Variants in WDR44 observed in about 807,000 individuals in gnomAD.
The protein encoded by WDR44 is WD repeat domain 44.
In WDR44, 9 loss-of-function variants were observed where a neutral mutation model predicts 65.7. That is an observed-to-expected ratio of 0.14 (90% CI 0.08 to 0.24). The LOEUF (loss-of-function observed/expected upper bound fraction) is 0.24. Ranked by LOEUF, WDR44 falls within the 10% of genes least tolerant of loss-of-function variation. WDR44 has a pLI of 1.00. For missense variants in WDR44, 425 were observed against 670.9 expected (o/e 0.63, Z 4.05); for synonymous variants, 220 against 235.2 (o/e 0.94, Z 0.59).
intron 7 of WDR44, among the ~76,000 whole-genome samples, chrX:118,397,789 A>G (rs2056877974): frequency 8.9e-6 from 1 of 112,062 alleles, no homozygotes; most frequent in South Asian, 3.7e-4. Flanking sequence ...TTATTTCCCT[A>G]TAGCACATTT....
chrX:118,420,674 G>A (rs1323160178), intron 12 of WDR44, among the ~76,000 whole-genome samples: 9 of 111,966 alleles, frequency 8.0e-5, no homozygotes, highest in Non-Finnish European at 1.7e-4. Flanking sequence ...CCTACCAGCC[G>A]TGCCTGATAC....
At chrX:118,376,193 C>A (rs772309726) in intron 1 of WDR44, among the ~76,000 whole-genome samples, 2 of 111,794 alleles carry the variant, frequency 1.8e-5, no homozygotes, top group South Asian at 7.5e-4. Flanking sequence ...CCGCCTTGGC[C>A]TCCCAAAGTG....
chrX:118,412,884 T>C (rs1166560863), intron 12 of WDR44, among the ~76,000 whole-genome samples: 6 of 111,544 alleles, frequency 5.4e-5, no homozygotes, highest in African/African-American at 1.6e-4. Context: ...GTCCATTGTA[T>C]CATTCTTACA....
intron 3 of WDR44, among the ~76,000 whole-genome samples, chrX:118,390,160 G>C (rs1270547844): frequency 9.1e-6 from 1 of 110,437 alleles, no homozygotes; most frequent in African/African-American, 3.3e-5. Context: ...GACCTCAGTT[G>C]ATCCGCCCAC....
chrX:118,432,833 A>G lies in WDR44; in HGVS notation c.1790A>G (p.Gln597Arg), dbSNP rs1286630679. The G allele has an allele frequency of 8.2e-7, 1 of 1,212,141 alleles. No homozygotes were observed. The highest frequency in any genetic ancestry group is 1.1e-6 in the Non-Finnish European group (1 of 895,457). The change falls in exon 13 of 20, where the codon CAA (glutamine) becomes CGA (arginine). Residue 597 changes from glutamine to arginine, a missense_variant. Physicochemically the swap from Gln to Arg is conservative, Grantham distance 43. Coordinates refer to ENST00000254029, the MANE Select transcript of WDR44 (RefSeq NM_019045.5). ...DPDDKNAPFRQRPFCKYKGHT... is the reference protein window; with the variant it reads ...DPDDKNAPFRRRPFCKYKGHT... ...GATGATAAAAACGCACCCTTTCGGC[A>G]ACGGCCATTTTGCAAATATAAAGGA...
chrX:118,414,788 A>C (rs1450930801), intron 12 of WDR44, among the ~76,000 whole-genome samples: 1 of 111,508 alleles, frequency 9.0e-6, no homozygotes, highest in African/African-American at 3.3e-5. Flanking sequence ...AGGAGTCTTT[A>C]GGGTTTCCGA....
At chrX:118,444,679 G>A (rs780076512) in intron 19 of WDR44, among the ~76,000 whole-genome samples, 185 bp downstream of exon 19, 9 of 111,905 alleles carry the variant, frequency 8.0e-5, no homozygotes, top group Non-Finnish European at 1.7e-4. Flanking sequence ...GCTCACTGCA[G>A]CCTCAACCAC....
Position 118,354,797 on chromosome X carries a change from A to G in WDR44, c.77+8217A>G, listed in dbSNP as rs570555268. Among the ~76,000 whole-genome samples the G allele has an allele frequency of 2.1e-4, 23 of 112,059 alleles. No homozygotes were observed. In the South Asian group the frequency reaches 7.7e-3, roughly 38 times the overall value. On this transcript the variant is annotated intron_variant, in intron 1 of 19. Transcript: ENST00000254029. Reference sequence around the variant, plus strand: ...TGGCCACTACTAATTGTAATAGACTATTCCAGTACAAAACTCATTGAACCA... The same window carrying G: ...TGGCCACTACTAATTGTAATAGACTGTTCCAGTACAAAACTCATTGAACCA...
intron 1 of WDR44, among the ~76,000 whole-genome samples, chrX:118,375,398 C>T (rs914164502): frequency 8.3e-5 from 9 of 108,093 alleles, no homozygotes; most frequent in African/African-American, 3.0e-4. Flanking sequence ...AAAGGTTTTT[C>T]AGGCTAGGTG....
intron 12 of WDR44, among the ~76,000 whole-genome samples, chrX:118,418,148 G>A (rs1193343548): frequency 9.0e-6 from 1 of 111,571 alleles, no homozygotes; most frequent in Non-Finnish European, 1.9e-5. Context: ...GCGCCTCCCA[G>A]ATTAACTTAA....
intron 1 of WDR44, among the ~76,000 whole-genome samples, chrX:118,362,505 T>A (rs2056520371): frequency 9.0e-6 from 1 of 111,629 alleles, no homozygotes; most frequent in African/African-American, 3.3e-5. Flanking sequence ...ATAATGAAGC[T>A]GTTTATATAC....
At chrX:118,365,517 A>AT (rs2056545506) in intron 1 of WDR44, among the ~76,000 whole-genome samples, 2 of 107,924 alleles carry the variant, frequency 1.9e-5, no homozygotes, top group Non-Finnish European at 3.8e-5. Flanking sequence ...CAAAAAAAAA[A>AT]GAAAAAAGAA....
At chrX:118,439,606 A>G (rs1305227932) in intron 14 of WDR44, among the ~76,000 whole-genome samples, 1 of 110,960 alleles carries the variant, frequency 9.0e-6, no homozygotes, top group Non-Finnish European at 1.9e-5. Flanking sequence ...ATGGAGATAC[A>G]CATACATAGA....
chrX:118,436,467 C>G, intron 13 of WDR44: 1 of 436,544 alleles, frequency 2.3e-6, no homozygotes, highest in Admixed American at 2.8e-5. Flanking sequence ...TAAGATTCAT[C>G]TGAATTTCAG....
chrX:118,378,363 G>GT (rs1340923211), intron 1 of WDR44, 56 bp from the exon 2 acceptor site: 38 of 1,000,043 alleles, frequency 3.8e-5, no homozygotes, highest in Non-Finnish European at 4.2e-6. Context: ...GTGTATAGAA[G>GT]TATTTGTCTT....
intron 12 of WDR44, among the ~76,000 whole-genome samples, chrX:118,423,455 C>T (rs965652692): frequency 8.9e-6 from 1 of 112,090 alleles, no homozygotes; most frequent in African/African-American, 3.2e-5. Flanking sequence ...AAGCGTGAGC[C>T]ACTGTGCCAG....
At chrX:118,352,353 T>TATATATATATA (rs1491172810) in intron 1 of WDR44, among the ~76,000 whole-genome samples, 8 of 15,777 alleles carry the variant, frequency 5.1e-4, no homozygotes, top group Non-Finnish European at 5.2e-4. Context: ...TATATATATA[T>TATATATATATA]TTTTTTTTTT....
chrX:118,409,598 A>G lies in WDR44; in HGVS notation c.1643A>G (p.Asn548Ser), dbSNP rs767472097. 7.5e-6 allele frequency: 9 copies of G among 1,202,197 alleles called. No individual in the cohort carries two copies. In the Admixed American group the frequency reaches 1.4e-4, roughly 18 times the overall value. The change falls in exon 11 of 20, where the codon AAC becomes AGC. Residue 548 changes from asparagine to serine, a missense_variant. By Grantham distance (46) the Asn-to-Ser change is conservative. Around this residue, in one of 5 missense-constraint regions of WDR44, gnomAD observed 45 missense variants for 50.0 expected, o/e 0.90. Coordinates refer to ENST00000254029, the MANE Select transcript of WDR44 (RefSeq NM_019045.5). The part of the protein sequence containing the change: ...WALKNAFDYF[N>S]NMRMKYNTEG... The stretch of plus-strand genomic sequence containing the variant: ...TTAAAAAATGCTTTTGACTATTTCA[A>G]CAATATGCGAATGAAATACAATACT...
At chrX:118,349,624 C>A (rs1468864852) in intron 1 of WDR44, among the ~76,000 whole-genome samples, 1 of 108,787 alleles carries the variant, frequency 9.2e-6, no homozygotes, top group African/African-American at 3.4e-5. Flanking sequence ...GTGGCACGAT[C>A]TCTGCTCACT....
Sources: allele counts gnomAD v4.1 joint callset (sites outside exome capture counted in the v4.1 genomes callset), GRCh38; gene constraint gnomAD v4.1.1; regional missense constraint gnomAD v4.1.1; transcripts MANE v1.5; gene names NCBI Gene and HGNC (gene_info 2026-07-23, HGNC 2026-07-21).